GABRA3: variants seen among roughly 807,000 people sequenced by gnomAD.
GABRA3 encodes gamma-aminobutyric acid type A receptor subunit alpha3.
A neutral mutation model predicts 30.1 loss-of-function variants in GABRA3; 10 were observed. The observed-to-expected ratio is 0.33, with a 90% CI of 0.20 to 0.56. The LOEUF is 0.56. Ranked by LOEUF, GABRA3 falls within the 20% of genes least tolerant of loss-of-function variation. The pLI, the probability that GABRA3 is intolerant of heterozygous loss-of-function variation, is 0.89. For missense variants in GABRA3, 233 were observed against 392.0 expected, an observed-to-expected ratio of 0.59 and a Z score of 3.42; for synonymous variants, 151 against 146.8, an observed-to-expected ratio of 1.03 and a Z score of -0.21.
chrX:152,275,237 ATTT>A (rs1268528123), intron 4 of GABRA3, among the ~76,000 whole-genome samples: 1 of 52,369 alleles, frequency 1.9e-5, no homozygotes, highest in East Asian at 5.1e-4. Context: ...ATTTATATAT[ATTT>A]TATTATATAT....
At chrX:152,252,255 A>G (rs1938568943) in intron 5 of GABRA3, among the ~76,000 whole-genome samples, 1 of 111,862 alleles carries the variant, frequency 8.9e-6, no homozygotes. Flanking sequence ...AGTGTATGTG[A>G]AGAACACTAA....
intron 4 of GABRA3, among the ~76,000 whole-genome samples, chrX:152,279,436 T>C (rs1458072539): frequency 9.0e-6 from 1 of 111,518 alleles, no homozygotes; most frequent in Non-Finnish European, 1.9e-5. Flanking sequence ...TGTGGCATTA[T>C]TTCTAAGGGC....
chrX:152,318,940 C>T lies in GABRA3; in HGVS notation c.262+26641G>A, dbSNP rs140227092. On this transcript the variant is annotated intron_variant, in intron 3 of 9. Transcript: ENST00000370314. ...TGAGAACTGGAACAAGACAAGGATGCCCATTCTCACCACTTCTATTTAACA... is the reference window on the plus strand; with the variant it reads ...TGAGAACTGGAACAAGACAAGGATGTCCATTCTCACCACTTCTATTTAACA... Among the ~76,000 whole-genome samples the T allele has an allele frequency of 9.5e-3, 1,055 of 111,231 alleles. 20 individuals are homozygous for T. The highest frequency in any genetic ancestry group is 0.032 in the African/African-American group (994 of 30,636).
chrX:152,396,703 T>C (rs1457220026), intron 1 of GABRA3, among the ~76,000 whole-genome samples: 2 of 112,251 alleles, frequency 1.8e-5, no homozygotes, highest in African/African-American at 6.5e-5. Flanking sequence ...AGAAAATAAT[T>C]CATGAGTTGG....
intron 6 of GABRA3, among the ~76,000 whole-genome samples, chrX:152,224,088 C>A (rs1283901326): frequency 9.0e-6 from 1 of 111,502 alleles, no homozygotes; most frequent in African/African-American, 3.3e-5. Context: ...CAAAACACAG[C>A]TAAATTAATT....
chrX:152,370,310 G>A (rs1022147819), intron 1 of GABRA3, among the ~76,000 whole-genome samples: 1 of 111,380 alleles, frequency 9.0e-6, no homozygotes, highest in Non-Finnish European at 1.9e-5. Flanking sequence ...ATGACATGAG[G>A]ACTGTCTGCC....
chrX:152,326,387 C>A (rs1424648482), intron 3 of GABRA3, among the ~76,000 whole-genome samples: 1 of 110,880 alleles, frequency 9.0e-6, no homozygotes, highest in Non-Finnish European at 1.9e-5. Flanking sequence ...AGAGCAACCC[C>A]AAGACACATA....
chrX:152,230,539 A>G (rs1008380016), intron 5 of GABRA3, among the ~76,000 whole-genome samples: 1 of 111,349 alleles, frequency 9.0e-6, no homozygotes, highest in Admixed American at 9.7e-5. Context: ...TTCAAAAAAA[A>G]TCATGAGTAC....
chrX:152,291,578 C>A (rs953439346), intron 3 of GABRA3, among the ~76,000 whole-genome samples: 8 of 111,702 alleles, frequency 7.2e-5, no homozygotes, highest in Middle Eastern at 4.2e-3. Context: ...GAGGGCATCA[C>A]TGTCTTGTGC....
chrX:152,279,504 G>A (rs1939157628), intron 4 of GABRA3, among the ~76,000 whole-genome samples: 1 of 111,616 alleles, frequency 9.0e-6, no homozygotes, highest in Non-Finnish European at 1.9e-5. Context: ...TGCTGTTTTG[G>A]TTACTGTAGC....
chrX:152,381,608 G>A (rs1929145329), intron 1 of GABRA3, among the ~76,000 whole-genome samples: 1 of 110,744 alleles, frequency 9.0e-6, no homozygotes, highest in African/African-American at 3.3e-5. Flanking sequence ...GCAGAACGTG[G>A]AGGTTTGTTA....
rs1174300711 is a variant in GABRA3 at position 152,166,999 on chromosome X, A to C, written c.*1229T>G. On this transcript the variant is annotated 3_prime_UTR_variant, in exon 10 of 10. Coordinates refer to ENST00000370314, the MANE Select transcript of GABRA3 (RefSeq NM_000808.4). ...GTCTTTTACTCACATTAAGATTAAGAACAAATGGCCTCTAAATAATATATT... is the reference window on the plus strand; with the variant it reads ...GTCTTTTACTCACATTAAGATTAAGCACAAATGGCCTCTAAATAATATATT... 1 of 111,505 alleles carries C rather than the reference A, an allele frequency of 9.0e-6. No homozygotes were observed. The highest frequency in any genetic ancestry group is 3.3e-5 in the African/African-American group (1 of 30,456). The allele number at this position is 111,505 out of a possible 1,213,427, so 9.2% of individuals were successfully genotyped here.
At chrX:152,355,878 A>T (rs1162386741) in intron 2 of GABRA3, among the ~76,000 whole-genome samples, 1 of 111,890 alleles carries the variant, frequency 8.9e-6, no homozygotes, top group Non-Finnish European at 1.9e-5. Flanking sequence ...TTCATTTATT[A>T]TATGAAGTTG....
At chrX:152,367,467 A>T (rs772388780) in intron 1 of GABRA3, among the ~76,000 whole-genome samples, 1 of 112,012 alleles carries the variant, frequency 8.9e-6, no homozygotes, top group African/African-American at 3.2e-5. Context: ...TCACCCTACT[A>T]AAGAGCTAAA....
At chrX:152,250,531 T>C (rs1938535233) in intron 5 of GABRA3, 1 of 111,651 alleles carries the variant, frequency 9.0e-6, no homozygotes, top group Admixed American at 9.6e-5. Flanking sequence ...ACAAATAATA[T>C]GACATTAATA....
intron 4 of GABRA3, among the ~76,000 whole-genome samples, chrX:152,273,088 A>T (rs1938977735): frequency 8.9e-6 from 1 of 112,252 alleles, no homozygotes; most frequent in East Asian, 2.8e-4. Context: ...CTCAATAGAA[A>T]ATATAAATAA....
intron 3 of GABRA3, among the ~76,000 whole-genome samples, chrX:152,334,256 C>T (rs1489421350): frequency 9.0e-6 from 1 of 111,595 alleles, no homozygotes; most frequent in Non-Finnish European, 1.9e-5. Flanking sequence ...CACCTATCAT[C>T]ATATTTAATG....
chrX:152,187,840 C>A (rs139635140), intron 9 of GABRA3, among the ~76,000 whole-genome samples: 1 of 111,822 alleles, frequency 8.9e-6, no homozygotes, highest in East Asian at 2.8e-4. Context: ...AACTATCATG[C>A]GATTAACACA....
chrX:152,255,620 AGTAT>A (rs899488552), intron 5 of GABRA3, among the ~76,000 whole-genome samples, 154 bp downstream of exon 5: 1 of 112,262 alleles, frequency 8.9e-6, no homozygotes, highest in Non-Finnish European at 1.9e-5. Flanking sequence ...TATGTCTGTG[AGTAT>A]GTATGCATGC....
Sources: gnomAD v4.1 joint callset for allele counts (sites outside exome capture counted in the v4.1 genomes callset) on GRCh38, gnomAD v4.1.1 for gene constraint, MANE v1.5 for transcripts, NCBI Gene and HGNC (gene_info 2026-07-23, HGNC 2026-07-21) for gene names.